The following DSP variants were observed in gnomAD, a reference collection of about 807,000 sequenced individuals.
DSP encodes 250/210 kDa paraneoplastic pemphigus antigen.
Under a neutral mutation model 290.6 loss-of-function variants are expected in DSP, and 114 were observed. The ratio of observed to expected loss-of-function variants is 0.39; its 90% CI spans 0.34 to 0.46. The LOEUF (loss-of-function observed/expected upper bound fraction) is 0.46. DSP is among the 20% of genes least tolerant of loss of function. The pLI is 0.99. For synonymous variants in DSP, 1,311 were observed against 1,316.4 expected (o/e 1.00, Z 0.09); for missense variants, 3,230 against 3,495.8 (o/e 0.92, Z 1.92).
At position 7,568,470 on chromosome 6, in the gene DSP, C is replaced by T; in HGVS notation, c.1300C>T (p.Gln434Ter). 6.2e-7 allele frequency: 1 copy of T among 1,614,128 alleles called. No homozygotes were observed. Residue 434 changes from glutamine (Q) to a stop codon, truncating the protein, a stop_gained, in exon 11 of 24, where the codon CAG becomes TAG. Transcript: ENST00000379802. LOFTEE classifies it high-confidence loss of function. ...EREKILEYKR[Q>*]VQNLVNKSKK... ...AGAGAAAATCCTTGAATACAAGCGT[C>T]AGGTGCAGAACTTGGTAAACAAGTC...
Position 7,569,458 on chromosome 6 carries a change from T to G in DSP, c.1574+118T>G. The G allele has an allele frequency of 4.0e-6, 6 of 1,492,322 alleles. No homozygotes were observed. The South Asian group carries it at 6.9e-5, about 17-fold the overall frequency. 92.4% of individuals were successfully genotyped at this position (1,492,322 alleles called of 1,614,324 possible). A position where few individuals can be genotyped will look rare whatever the true frequency, so the allele number is the denominator to read the frequency against. On this transcript the variant is annotated intron_variant, in intron 12 of 23. Coordinates refer to ENST00000379802, the MANE Select transcript of DSP (RefSeq NM_004415.4). ...CGATGCCTTGCCATAATAAACACCT[T>G]CTAAAAAAAGGAACCTTGTGAAGGT...
At chr6:7,577,528 G>A (rs1759276507) in intron 20 of DSP, among the ~76,000 whole-genome samples, 1 of 152,062 alleles carries the variant, frequency 6.6e-6, no homozygotes, top group Non-Finnish European at 1.5e-5. Flanking sequence ...GGGTTTCTCC[G>A]TGTTGGTCAG....
chr6:7,570,291 A>G, intron 12 of DSP, 146 bp from the exon 13 acceptor site: 1 of 1,188,892 alleles, frequency 8.4e-7, no homozygotes, highest in South Asian at 1.3e-5. Context: ...AAATCCATGA[A>G]CTGTTTTCAA....
chr6:7,560,220 T>C (rs1301243703), intron 4 of DSP, among the ~76,000 whole-genome samples: 1 of 152,220 alleles, frequency 6.6e-6, no homozygotes, highest in East Asian at 1.9e-4. Context: ...TTAGATGTGG[T>C]TGTAAGAAAG....
chr6:7,555,616 G>A, intron 1 of DSP, 102 bp from the exon 2 acceptor site: 2 of 899,396 alleles, frequency 2.2e-6, no homozygotes, highest in Admixed American at 3.9e-5. Context: ...GGGTCTCACA[G>A]GAGTGGTTTT....
At position 7,580,563 on chromosome 6, in the gene DSP, G is replaced by A. The variant is rs370063434; in HGVS notation, c.4373G>A (p.Arg1458Gln). The stretch of plus-strand genomic sequence containing the variant: ...GAGCTGAGACAAGTCACTCAGATGC[G>A]AACAGAGGAGAGCGTAAGATATAAG... ...EVELRQVTQM[R>Q]TEESVRYKQS... The change falls in exon 23 of 24, where the codon CGA (arginine) becomes CAA (glutamine). Residue 1458 changes from arginine (R) to glutamine (Q), a missense_variant. Arg to Gln is a conservative substitution (Grantham distance 43). This residue lies in a region of DSP where 1,714 missense variants were observed against 1,844.5 expected (regional missense o/e 0.93). Coordinates refer to ENST00000379802, the MANE Select transcript of DSP (RefSeq NM_004415.4). This position sits in a 1 kb window ranked among gnomAD's most constrained non-coding sequence, Gnocchi z 4.2. 1.3e-5 allele frequency: 21 copies of A among 1,613,980 alleles called. No homozygotes were observed. In the East Asian group the frequency reaches 2.4e-4, roughly 19 times the overall value.
intron 4 of DSP, 66 bp downstream of exon 4, chr6:7,559,466 C>T (rs977766063): frequency 1.9e-6 from 3 of 1,600,924 alleles, no homozygotes; most frequent in Non-Finnish European, 1.7e-6. Flanking sequence ...GGGGTCAGCC[C>T]ATGTGTTTGT....
chr6:7,577,765 T>G lies in DSP; in HGVS notation c.2878-14T>G, dbSNP rs757282391. The stretch of plus-strand genomic sequence containing the variant: ...CTATGAAGGACACTTTTCTTAAACT[T>G]CATTATGCTGCAGGATTATGAGCTC... On this transcript the variant is annotated splice_polypyrimidine_tract_variant and intron_variant, in intron 20 of 23. Coordinates refer to ENST00000379802, the MANE Select transcript of DSP (RefSeq NM_004415.4). 4.4e-6 allele frequency: 7 copies of G among 1,607,838 alleles called. No homozygotes were observed. In the South Asian group the frequency reaches 6.6e-5, roughly 15 times the overall value.
chr6:7,577,944 T>A, intron 21 of DSP, 58 bp downstream of exon 21: 1 of 1,366,468 alleles, frequency 7.3e-7, no homozygotes, highest in Non-Finnish European at 1.0e-6. Flanking sequence ...TCTTCCCTTT[T>A]CCCTGTCTCC....
At chr6:7,577,128 A>C in intron 20 of DSP, 86 bp downstream of exon 20, 2 of 1,035,058 alleles carry the variant, frequency 1.9e-6, no homozygotes, top group Non-Finnish European at 2.9e-6. Context: ...AAGCGTATAC[A>C]CTTCCTGAGG....
chr6:7,572,464 G>A (rs1759085554), intron 15 of DSP, among the ~76,000 whole-genome samples: 1 of 152,200 alleles, frequency 6.6e-6, no homozygotes. Context: ...TGGCCCAGGT[G>A]TGTCAGCTCC....
Position 7,565,455 on chromosome 6 carries a change from G to A in DSP, c.874G>A (p.Glu292Lys). 1 of 1,614,116 alleles carries A rather than the reference G, an allele frequency of 6.2e-7. No individual in the cohort carries two copies. Among genetic ancestry groups the A allele is most frequent in the Non-Finnish European group, 8.5e-7 (1 of 1,179,996 alleles). Residue 292 changes from glutamate to lysine, a missense_variant, in exon 7 of 24, where the codon GAG becomes AAG. By Grantham distance (56) the Glu-to-Lys change is moderately conservative. Coordinates refer to ENST00000379802, the MANE Select transcript of DSP (RefSeq NM_004415.4). This position sits in a 1 kb window ranked among gnomAD's most constrained non-coding sequence, Gnocchi z 4.2. ...CATGTGGATCAATGACTGCGAGGAG[G>A]AGGAGCTGCTGTACGACTGGAGCGA... ...EIMWINDCEE[E>K]ELLYDWSDKN...
At chr6:7,559,092 A>G in intron 3 of DSP, 134 bp from the exon 4 acceptor site, 2 of 1,052,154 alleles carry the variant, frequency 1.9e-6, no homozygotes, top group Non-Finnish European at 2.8e-6. Flanking sequence ...GTAAAGAAAA[A>G]AAAATCTTCA....
In DSP at chr6:7,565,659, ATCCT is replaced by A; in HGVS notation, c.939+148_939+151del. The A allele has an allele frequency of 8.2e-7, 1 of 1,214,770 alleles. No individual in the cohort carries two copies. The highest frequency in any genetic ancestry group is 1.2e-6 in the Non-Finnish European group (1 of 856,160). 75.2% of individuals were successfully genotyped at this position (1,214,770 alleles called of 1,614,324 possible). A position where few individuals can be genotyped will look rare whatever the true frequency, so the allele number is the denominator to read the frequency against. ...GCCTTCTTTGAAATGGTCGTGAAAA[ATCCT>A]TCCTTCCTGAAAACTTCTCCGTGTG... On this transcript the variant is annotated intron_variant, in intron 7 of 23. Transcript: ENST00000379802. This position sits in a 1 kb window ranked among gnomAD's most constrained non-coding sequence, Gnocchi z 4.2.
At chr6:7,570,301 A>C (rs1759003253) in intron 12 of DSP, 136 bp from the exon 13 acceptor site, 2 of 1,318,414 alleles carry the variant, frequency 1.5e-6, no homozygotes, top group African/African-American at 2.9e-5. Context: ...ACTGTTTTCA[A>C]AGTTATACCT....
chr6:7,578,116 T>C (rs755600038), intron 21 of DSP, among the ~76,000 whole-genome samples: 10 of 151,858 alleles, frequency 6.6e-5, no homozygotes, highest in Non-Finnish European at 1.5e-4. Context: ...GAATGTGTTA[T>C]TTAGAGTCTT....
intron 1 of DSP, among the ~76,000 whole-genome samples, chr6:7,551,308 G>C (rs1275472131): frequency 2.0e-5 from 3 of 152,030 alleles, no homozygotes; most frequent in Non-Finnish European, 4.4e-5. Flanking sequence ...ACTTAGAAAG[G>C]TTTGAATTAC....
chr6:7,557,920 A>G (rs1397584816), intron 2 of DSP, among the ~76,000 whole-genome samples, 196 bp from the exon 3 acceptor site: 1 of 152,216 alleles, frequency 6.6e-6, no homozygotes, highest in African/African-American at 2.4e-5. Context: ...GCCAAGTGCA[A>G]ATTTAAAAGA....
rs560969680 is a variant in DSP at position 7,571,487 on chromosome 6, T to C, written c.1806T>C (p.Asp602=). 6.1e-5 allele frequency: 98 copies of C among 1,614,224 alleles called. 1 individual carries two copies. The South Asian group carries it at 8.8e-4, about 14-fold the overall frequency. ...RNSQGSEMFG[D]DDKRKIQSQF... is the part of the protein sequence containing the mutation. ...GCCAAGGCTCAGAGATGTTTGGAGA[T>C]GATGACAAGCGGAAAATACAGTCTC... The change falls in exon 14 of 24, where the codon GAT becomes GAC. Residue 602 remains aspartate (D), a synonymous_variant. Coordinates refer to ENST00000379802, the MANE Select transcript of DSP (RefSeq NM_004415.4).
Sources: gnomAD v4.1 joint callset for allele counts (sites outside exome capture counted in the v4.1 genomes callset) on GRCh38, gnomAD v4.1.1 for gene constraint, gnomAD v4.1.1 regional missense constraint, Gnocchi (gnomAD v3.1) non-coding constraint, MANE v1.5 for transcripts, NCBI Gene and HGNC (gene_info 2026-07-23, HGNC 2026-07-21) for gene names.